CPNE8: variants seen among roughly 807,000 people sequenced by gnomAD.
CPNE8 encodes copine-8.
A neutral mutation model predicts 81.5 loss-of-function variants in CPNE8; 45 were observed. The ratio of observed to expected loss-of-function variants is 0.55; its 90% CI spans 0.44 to 0.71. The LOEUF (loss-of-function observed/expected upper bound fraction) is 0.71, where lower values mean the gene tolerates loss of function less well. Ranked by LOEUF, CPNE8 falls within the 30% of genes least tolerant of loss-of-function variation. The pLI, the probability that CPNE8 is intolerant of heterozygous loss-of-function variation, is 0.00. For missense variants in CPNE8, 594 were observed against 672.1 expected, an observed-to-expected ratio of 0.88 and a Z score of 1.28; for synonymous variants, 252 against 226.3, an observed-to-expected ratio of 1.11 and a Z score of -1.02.
chr12:38,788,557 T>A (rs1436136332), intron 6 of CPNE8, among the ~76,000 whole-genome samples: 1 of 151,910 alleles, frequency 6.6e-6, no homozygotes, highest in Non-Finnish European at 1.5e-5. Context: ...CACAATAAGA[T>A]GCCTACTTTC....
intron 10 of CPNE8, among the ~76,000 whole-genome samples, chr12:38,737,157 G>A (rs1471037427): frequency 3.3e-5 from 5 of 151,216 alleles, no homozygotes; most frequent in Non-Finnish European, 4.4e-5. Context: ...ATTATTATAC[G>A]CAAAACAAAA....
chr12:38,798,246 G>A (rs1391619179), intron 6 of CPNE8, among the ~76,000 whole-genome samples: 4 of 152,082 alleles, frequency 2.6e-5, no homozygotes, highest in African/African-American at 9.7e-5. Flanking sequence ...ACACATAATT[G>A]TCGGATTCAC....
At position 38,669,721 on chromosome 12, in the gene CPNE8, G is replaced by A. The variant is rs141297268; in HGVS notation, c.1506+1008C>T. Among the ~76,000 whole-genome samples, 107 of 152,242 alleles carry A rather than the reference G, an allele frequency of 7.0e-4. 2 individuals are homozygous for A. The East Asian group carries it at 0.016, about 23-fold the overall frequency. On this transcript the variant is annotated intron_variant, in intron 19 of 19. Transcript: ENST00000331366. Reference sequence around the variant, plus strand: ...GCTTGAGCACAGAGGGAGGTGGGAGGGAAAGTCTCTTAGGCAACTGCCAAA... The same window carrying A: ...GCTTGAGCACAGAGGGAGGTGGGAGAGAAAGTCTCTTAGGCAACTGCCAAA...
intron 6 of CPNE8, among the ~76,000 whole-genome samples, chr12:38,818,390 G>A (rs182410530): frequency 2.0e-5 from 3 of 152,196 alleles, no homozygotes; most frequent in Admixed American, 6.5e-5. Flanking sequence ...GTAGTGTTCG[G>A]TTTTCTGTTC....
At chr12:38,660,972 G>C (rs906279083) in intron 19 of CPNE8, among the ~76,000 whole-genome samples, 1 of 152,216 alleles carries the variant, frequency 6.6e-6, no homozygotes, top group Admixed American at 6.5e-5. Context: ...ATGCTGGAGA[G>C]GATGTAGAGA....
chr12:38,905,694 C>A (rs1944561221), upstream of CPNE8: 2 of 1,455,402 alleles, frequency 1.4e-6, no homozygotes, highest in Non-Finnish European at 1.8e-6. Flanking sequence ...GGAGGCGGAC[C>A]TCCGCGCAGA....
intron 1 of CPNE8, among the ~76,000 whole-genome samples, chr12:38,904,577 T>C (rs1461331174): frequency 6.6e-6 from 1 of 150,964 alleles, no homozygotes; most frequent in Non-Finnish European, 1.5e-5. Context: ...CAAGCGATTC[T>C]CCTGTCTCAG....
intron 3 of CPNE8, among the ~76,000 whole-genome samples, chr12:38,861,113 T>C (rs1362828502): frequency 6.6e-6 from 1 of 152,164 alleles, no homozygotes; most frequent in Admixed American, 6.5e-5. Flanking sequence ...GGACATTATA[T>C]TAACTGAAAT....
chr12:38,838,567 C>T (rs1172349046), intron 5 of CPNE8, among the ~76,000 whole-genome samples: 2 of 152,084 alleles, frequency 1.3e-5, no homozygotes, highest in Admixed American at 1.3e-4. Flanking sequence ...TGCAAAACTT[C>T]CAATATAAAG....
Position 38,670,768 on chromosome 12 carries a change from G to T in CPNE8, c.1467C>A (p.Val489=). 6.2e-7 allele frequency: 1 copy of T among 1,609,940 alleles called. No individual in the cohort carries two copies. The highest frequency in any genetic ancestry group is 1.1e-5 in the South Asian group (1 of 90,686). The part of the protein sequence containing the change: ...MVELDGDDVR[V]SSRGKYAERD... ...TTTCAGCATATTTTCCTCTAGAGGAGACTCTTACATCATCTCCATCCAATT... is the reference window on the plus strand; with the variant it reads ...TTTCAGCATATTTTCCTCTAGAGGATACTCTTACATCATCTCCATCCAATT... The change falls in exon 19 of 20, where the codon GTC becomes GTA. Residue 489 remains valine, a synonymous_variant. Transcript: ENST00000331366.
chr12:38,679,909 A>G (rs1187910521), intron 16 of CPNE8, among the ~76,000 whole-genome samples: 1 of 151,824 alleles, frequency 6.6e-6, no homozygotes, highest in African/African-American at 2.4e-5. Context: ...CTAGGAGGTG[A>G]CACTGATATA....
At position 38,787,090 on chromosome 12, in the gene CPNE8, A is replaced by T. The variant is rs541510461; in HGVS notation, c.408-10789T>A. Among the ~76,000 whole-genome samples, 5 of 152,312 alleles carry T rather than the reference A, an allele frequency of 3.3e-5. No homozygotes were observed. In the East Asian group the frequency reaches 9.6e-4, roughly 29 times the overall value. On this transcript the variant is annotated intron_variant, in intron 6 of 19. Transcript: ENST00000331366. ...CAAAGCAACATTGGACTTAATCTAT[A>T]GATAGACCAAATGAACCTAATAGAC...
At chr12:38,871,501 A>T (rs2137102790) in intron 3 of CPNE8, among the ~76,000 whole-genome samples, 1 of 152,330 alleles carries the variant, frequency 6.6e-6, no homozygotes, top group East Asian at 1.9e-4. Flanking sequence ...GTCTTTCAGG[A>T]AGATAATCAA....
intron 1 of CPNE8, among the ~76,000 whole-genome samples, 153 bp from the exon 2 acceptor site, chr12:38,874,664 T>C (rs901911491): frequency 6.6e-6 from 1 of 152,156 alleles, no homozygotes; most frequent in Admixed American, 6.6e-5. Flanking sequence ...AATAAACATG[T>C]CCCAAGGGTC....
intron 6 of CPNE8, among the ~76,000 whole-genome samples, chr12:38,794,376 A>G (rs964236266): frequency 6.6e-6 from 1 of 152,180 alleles, no homozygotes; most frequent in Non-Finnish European, 1.5e-5. Flanking sequence ...GGGCTGGAAT[A>G]GACATTTTCC....
chr12:38,796,572 T>C (rs1942479504), intron 6 of CPNE8, among the ~76,000 whole-genome samples: 1 of 152,128 alleles, frequency 6.6e-6, no homozygotes, highest in Non-Finnish European at 1.5e-5. Context: ...GCAGCCAAGA[T>C]GGCCGAATAG....
At position 38,799,716 on chromosome 12, in the gene CPNE8, G is replaced by C. The variant is rs112862088; in HGVS notation, c.408-23415C>G. ...TCCCAGCGTGAGCGACGCAGAAGAC[G>C]GGTGATTTCTGCATTTCCATCTGAG... On this transcript the variant is annotated intron_variant, in intron 6 of 19. Transcript: ENST00000331366. Among the ~76,000 whole-genome samples, 1,187 of 150,102 alleles carry C rather than the reference G, an allele frequency of 7.9e-3. 6 individuals are homozygous for C. The highest frequency in any genetic ancestry group is 0.012 in the Non-Finnish European group (777 of 67,138).
chr12:38,766,729 A>G (rs957070014), intron 8 of CPNE8, among the ~76,000 whole-genome samples: 1 of 152,124 alleles, frequency 6.6e-6, no homozygotes, highest in African/African-American at 2.4e-5. Context: ...TCCAAATAAC[A>G]TGTTCTCTTT....
intron 7 of CPNE8, 34 bp from the exon 8 acceptor site, chr12:38,767,772 TG>T (rs1026614566): frequency 1.5e-6 from 2 of 1,355,826 alleles, no homozygotes; most frequent in Non-Finnish European, 9.9e-7. Flanking sequence ...GTTCAAGATT[TG>T]GGCTATAAAT....
Sources: allele counts gnomAD v4.1 joint callset (sites outside exome capture counted in the v4.1 genomes callset), GRCh38; gene constraint gnomAD v4.1.1; transcripts MANE v1.5; gene names NCBI Gene and HGNC (gene_info 2026-07-23, HGNC 2026-07-21).